The following MCTP2 variants were observed in gnomAD, a reference collection of about 807,000 sequenced individuals.
The protein encoded by MCTP2 is multiple C2 and transmembrane domain containing 2.
In MCTP2, 132 loss-of-function variants were observed where a neutral mutation model predicts 111.6. The observed-to-expected ratio is 1.18, with a 90% CI of 1.03 to 1.37. The LOEUF (loss-of-function observed/expected upper bound fraction) is 1.37, where lower values mean the gene tolerates loss of function less well. MCTP2 is among the 40% of genes most tolerant of loss of function. The pLI is 0.00. For synonymous variants in MCTP2, 395 were observed against 387.7 expected (o/e 1.02, Z -0.22); for missense variants, 1,183 against 1,067.9 (o/e 1.11, Z -1.50).
chr15:94,354,651 G>A (rs1023147035), intron 8 of MCTP2, among the ~76,000 whole-genome samples: 1 of 152,164 alleles, frequency 6.6e-6, no homozygotes, highest in Non-Finnish European at 1.5e-5. Flanking sequence ...TGATAACGGA[G>A]TAATACAGAT....
At chr15:94,311,011 CT>C (rs2076103370) in intron 2 of MCTP2, among the ~76,000 whole-genome samples, 8 of 141,430 alleles carry the variant, frequency 5.7e-5, no homozygotes, top group Admixed American at 5.1e-4. Context: ...TTATTGGGAA[CT>C]TTCCTTTTTT....
At chr15:94,318,480 C>T (rs1038447394) in intron 4 of MCTP2, among the ~76,000 whole-genome samples, 3 of 151,826 alleles carry the variant, frequency 2.0e-5, no homozygotes, top group African/African-American at 4.8e-5. Flanking sequence ...GACGGAGTTT[C>T]GCCAGGCTGG....
chr15:94,426,143 AG>A (rs2082880339), intron 17 of MCTP2, among the ~76,000 whole-genome samples: 1 of 6,808 alleles, frequency 1.5e-4, no homozygotes, highest in African/African-American at 1.4e-3. Context: ...AGAGAGATTG[AG>A]AGAGAGAGAG....
At chr15:94,371,243 A>G (rs1202677735) in intron 12 of MCTP2, among the ~76,000 whole-genome samples, 1 of 152,180 alleles carries the variant, frequency 6.6e-6, no homozygotes, top group Admixed American at 6.5e-5. Flanking sequence ...CAAATAGAAG[A>G]TACAATTTTT....
rs941923377 is a variant in MCTP2, at chr15:94,481,336, T to G, written c.*2302T>G. 2 of 152,294 alleles carry G rather than the reference T, an allele frequency of 1.3e-5. No homozygotes were observed. Among genetic ancestry groups the G allele is most frequent in the African/African-American group, 4.8e-5 (2 of 41,458 alleles). 9.4% of individuals were successfully genotyped at this position (152,294 alleles called of 1,614,324 possible). On this transcript the variant is annotated 3_prime_UTR_variant, in exon 23 of 23. Transcript: ENST00000357742. Reference sequence around the variant, plus strand: ...GCTTCCTTATTTCCCTTACCAGGACTGGCATTTTCTGGGCTTGGAATTTCT... The same window carrying G: ...GCTTCCTTATTTCCCTTACCAGGACGGGCATTTTCTGGGCTTGGAATTTCT...
intron 1 of MCTP2, among the ~76,000 whole-genome samples, chr15:94,233,690 A>G (rs1241251661): frequency 1.3e-5 from 2 of 152,206 alleles, no homozygotes; most frequent in Admixed American, 1.3e-4. Flanking sequence ...GCGAGGAATC[A>G]AGTTCCTTAT....
chr15:94,370,113 G>C lies in MCTP2; in HGVS notation c.1515G>C (p.Val505=). ...GCTTACAGAACTCCCTGAAAGATGT[G>C]AAAGACGTCGGCATTCTACAAGTGA... ...RYCLQNSLKD[V]KDVGILQVKV... Residue 505 remains valine, a synonymous_variant, in exon 12 of 23, where the codon GTG becomes GTC. Coordinates refer to ENST00000357742, the MANE Select transcript of MCTP2 (RefSeq NM_001385001.1). The C allele has an allele frequency of 6.2e-7, 1 of 1,612,724 alleles. No homozygotes were observed. Among genetic ancestry groups the C allele is most frequent in the Non-Finnish European group, 8.5e-7 (1 of 1,179,450 alleles).
intron 14 of MCTP2, among the ~76,000 whole-genome samples, chr15:94,398,366 G>T (rs931000239): frequency 1.3e-5 from 2 of 152,138 alleles, no homozygotes; most frequent in African/African-American, 2.4e-5. Context: ...AGAATACAGG[G>T]TTCCCCATAC....
intron 15 of MCTP2, 29 bp from the exon 16 acceptor site, chr15:94,399,892 C>A: frequency 3.8e-6 from 6 of 1,597,714 alleles, no homozygotes; most frequent in Non-Finnish European, 5.1e-6. Flanking sequence ...ATACATGCTG[C>A]CCTTTTTTAA....
chr15:94,253,112 C>T (rs1406826634), intron 1 of MCTP2, among the ~76,000 whole-genome samples: 2 of 152,172 alleles, frequency 1.3e-5, no homozygotes, highest in Non-Finnish European at 2.9e-5. Flanking sequence ...TCTCTTTCCT[C>T]TGTGCTGCCA....
intron 1 of MCTP2, among the ~76,000 whole-genome samples, chr15:94,263,191 A>G (rs952856818): frequency 6.6e-6 from 1 of 152,212 alleles, no homozygotes; most frequent in Non-Finnish European, 1.5e-5. Context: ...CTGTTTAGTA[A>G]GCAGAGAAGG....
At chr15:94,367,556 G>A (rs1294906723) in intron 10 of MCTP2, 49 bp from the exon 11 acceptor site, 2 of 1,468,098 alleles carry the variant, frequency 1.4e-6, no homozygotes, top group Non-Finnish European at 1.9e-6. Flanking sequence ...TACTGCAGTG[G>A]CCTTGAATTA....
chr15:94,464,978 C>T (rs917680087), intron 20 of MCTP2, among the ~76,000 whole-genome samples: 1 of 151,930 alleles, frequency 6.6e-6, no homozygotes, highest in Non-Finnish European at 1.5e-5. Flanking sequence ...TCATTATATT[C>T]AAGCCTTTTA....
intron 21 of MCTP2, among the ~76,000 whole-genome samples, chr15:94,475,475 C>A (rs1596867135): frequency 6.6e-6 from 1 of 152,120 alleles, no homozygotes; most frequent in African/African-American, 2.4e-5. Flanking sequence ...ACTTAATGAA[C>A]AACAACAAAA....
chr15:94,314,678 G>T, intron 3 of MCTP2: 1 of 504,502 alleles, frequency 2.0e-6, no homozygotes, highest in Admixed American at 2.3e-5. Context: ...TTAATTGAAT[G>T]TCCAATAAGT....
At chr15:94,437,901 A>G (rs2152507735) in intron 17 of MCTP2, among the ~76,000 whole-genome samples, 1 of 152,190 alleles carries the variant, frequency 6.6e-6, no homozygotes. Context: ...ATTTAGCTGT[A>G]AAAGATGGCT....
chr15:94,255,656 G>C (rs2072717007), intron 1 of MCTP2, among the ~76,000 whole-genome samples: 1 of 152,118 alleles, frequency 6.6e-6, no homozygotes, highest in South Asian at 2.1e-4. Flanking sequence ...GGAGGGCTTT[G>C]GGCTTATGCT....
Position 94,374,371 on chromosome 15 carries a change from T to G in MCTP2, c.1582+4191T>G, listed in dbSNP as rs556320884. ...AATGAAGAGTAGGAAACTATATTGG[T>G]TTGCTCAGCACATGTGTGCAGATTA... On this transcript the variant is annotated intron_variant, in intron 12 of 22. Coordinates refer to ENST00000357742, the MANE Select transcript of MCTP2 (RefSeq NM_001385001.1). Among the ~76,000 whole-genome samples the G allele has an allele frequency of 7.2e-5, 11 of 152,322 alleles. No homozygotes were observed. The South Asian group carries it at 1.9e-3, about 26-fold the overall frequency.
At chr15:94,459,479 TATAA>T (rs1437589182) in intron 20 of MCTP2, among the ~76,000 whole-genome samples, 1 of 152,164 alleles carries the variant, frequency 6.6e-6, no homozygotes, top group Non-Finnish European at 1.5e-5. Flanking sequence ...AAAAGTAAGT[TATAA>T]ATGACTTTTA....
Sources: gnomAD v4.1 joint callset for allele counts (sites outside exome capture counted in the v4.1 genomes callset) on GRCh38, gnomAD v4.1.1 for gene constraint, MANE v1.5 for transcripts, NCBI Gene and HGNC (gene_info 2026-07-23, HGNC 2026-07-21) for gene names.